The following NAV2 variants were observed in gnomAD, a reference collection of about 807,000 sequenced individuals.
The protein encoded by NAV2 is neuron navigator 2.
In NAV2, 54 loss-of-function variants were observed where a neutral mutation model predicts 223.2. The observed-to-expected ratio is 0.24, with a 90% CI of 0.19 to 0.30. NAV2 has a LOEUF of 0.30. Among genes scored for constraint, NAV2 ranks in the 10% least tolerant of loss-of-function variants. The probability of loss-of-function intolerance (pLI) is 1.00; values close to 1 mark genes in which losing one functional copy is unlikely to be tolerated. For missense variants in NAV2, 2,806 were observed against 3,147.5 expected, an observed-to-expected ratio of 0.89 and a Z score of 2.60; for synonymous variants, 1,279 against 1,239.3, an observed-to-expected ratio of 1.03 and a Z score of -0.67.
intron 1 of NAV2, among the ~76,000 whole-genome samples, chr11:19,585,770 C>T (rs774367694): frequency 2.6e-4 from 39 of 152,160 alleles, no homozygotes; most frequent in Non-Finnish European, 4.7e-4. Flanking sequence ...GATGGGCTTC[C>T]CTTTGTGGGT....
chr11:19,655,991 C>T (rs929217024), intron 1 of NAV2, among the ~76,000 whole-genome samples: 4 of 152,160 alleles, frequency 2.6e-5, no homozygotes, highest in Non-Finnish European at 4.4e-5. Flanking sequence ...GATTGTCCAG[C>T]TGATCCCTTG....
chr11:19,455,222 G>A (rs1851921192), intron 1 of NAV2, among the ~76,000 whole-genome samples: 1 of 151,202 alleles, frequency 6.6e-6, no homozygotes, highest in Non-Finnish European at 1.5e-5. Context: ...CACCAAAAGA[G>A]TTTCAGCACT....
rs546212249 is a variant in NAV2 at position 19,721,124 on chromosome 11, A to G, written c.267+7162A>G. Among the ~76,000 whole-genome samples, 140 of 152,330 alleles carry G rather than the reference A, an allele frequency of 9.2e-4. 1 individual carries two copies. Among genetic ancestry groups the G allele is most frequent in the Non-Finnish European group, 2.1e-4 (14 of 68,040 alleles). ...CTTATCTGTTTGACCTTTGAAGTCAACCTTCTTAAATAGCAAGTGTGAAAG... is the reference window on the plus strand; with the variant it reads ...CTTATCTGTTTGACCTTTGAAGTCAGCCTTCTTAAATAGCAAGTGTGAAAG... On this transcript the variant is annotated intron_variant, in intron 1 of 37. Transcript: ENST00000349880.
chr11:19,745,067 T>C (rs2053222571), intron 1 of NAV2, among the ~76,000 whole-genome samples: 1 of 152,210 alleles, frequency 6.6e-6, no homozygotes. Context: ...TCTAGCAGGG[T>C]TGTACTGTCA....
At chr11:20,032,504 C>T (rs1829032429) in intron 11 of NAV2, among the ~76,000 whole-genome samples, 1 of 152,234 alleles carries the variant, frequency 6.6e-6, no homozygotes, top group South Asian at 2.1e-4. Context: ...GCTCTCTTTC[C>T]TCCCTGCCAG....
intron 1 of NAV2, among the ~76,000 whole-genome samples, chr11:19,621,200 AG>A (rs1164044003): frequency 6.6e-6 from 1 of 152,168 alleles, no homozygotes; most frequent in Non-Finnish European, 1.5e-5. Context: ...GATGTTCATC[AG>A]GGATATTGGT....
At chr11:19,763,922 T>C (rs1004932963) in intron 1 of NAV2, among the ~76,000 whole-genome samples, 1 of 152,076 alleles carries the variant, frequency 6.6e-6, no homozygotes, top group African/African-American at 2.4e-5. Context: ...CATCTCTCTA[T>C]CCATGGAGAC....
rs35021346 is a variant in NAV2, at chr11:19,548,712, C to CAA, written c.75+197700_75+197701dup. 4.3e-3 allele frequency among the ~76,000 whole-genome samples: 550 copies of CAA among 127,030 alleles called. 11 individuals carry two copies. In the East Asian group the frequency reaches 0.057, roughly 13 times the overall value. 83.3% of individuals were successfully genotyped at this position (127,030 alleles called of 152,430 possible). ...TGAAACCCCGTCTCTACTAAAGATA[C>CAA]AAAAAAAAAAAAAAAATTAGCCAGG... On this transcript the variant is annotated intron_variant, in intron 1 of 37. Transcript: ENST00000360655.
intron 1 of NAV2, among the ~76,000 whole-genome samples, chr11:19,715,876 C>T (rs2050265205): frequency 6.6e-6 from 1 of 152,202 alleles, no homozygotes; most frequent in Non-Finnish European, 1.5e-5. Flanking sequence ...TTGGCCACTT[C>T]CAGTGGACTA....
At chr11:19,869,624 C>T (rs1008865614) in intron 4 of NAV2, among the ~76,000 whole-genome samples, 4 of 152,172 alleles carry the variant, frequency 2.6e-5, no homozygotes, top group African/African-American at 4.8e-5. Flanking sequence ...GAAACTTTCA[C>T]GCTCTCTCCT....
At chr11:19,701,164 C>A (rs1444996388) in intron 1 of NAV2, among the ~76,000 whole-genome samples, 1 of 152,090 alleles carries the variant, frequency 6.6e-6, no homozygotes, top group African/African-American at 2.4e-5. Flanking sequence ...TTTTTCACCC[C>A]ACTTAGAAAG....
At chr11:19,786,858 C>T (rs1476194414) in intron 1 of NAV2, among the ~76,000 whole-genome samples, 1 of 152,082 alleles carries the variant, frequency 6.6e-6, no homozygotes, top group Non-Finnish European at 1.5e-5. Flanking sequence ...GGTGTGGTAG[C>T]GTGCACCTGT....
chr11:19,720,096 T>A (rs2050637228), intron 1 of NAV2, among the ~76,000 whole-genome samples: 1 of 152,244 alleles, frequency 6.6e-6, no homozygotes, highest in South Asian at 2.1e-4. Flanking sequence ...GAGCTGGACC[T>A]TGTGATCAGT....
intron 1 of NAV2, among the ~76,000 whole-genome samples, chr11:19,654,757 C>T (rs1173807347): frequency 6.6e-6 from 1 of 152,204 alleles, no homozygotes; most frequent in Non-Finnish European, 1.5e-5. Flanking sequence ...GGATTAAAGA[C>T]TTAAATGTTA....
chr11:20,104,091 C>G (rs1015918830), intron 34 of NAV2: 3 of 254,222 alleles, frequency 1.2e-5, no homozygotes, highest in African/African-American at 6.8e-5. Context: ...CCAGTGGCGT[C>G]TCTCTGTCCC....
chr11:19,741,882 G>T (rs2052867226), intron 1 of NAV2, among the ~76,000 whole-genome samples: 1 of 152,040 alleles, frequency 6.6e-6, no homozygotes, highest in African/African-American at 2.4e-5. Flanking sequence ...AAGGGGGATT[G>T]CTGGGTCATA....
rs1456688032 is a variant in NAV2 at position 19,427,746 on chromosome 11, T to G, written c.75+76719T>G. Among the ~76,000 whole-genome samples, 3 of 152,362 alleles carry G rather than the reference T, an allele frequency of 2.0e-5. No homozygotes were observed. The East Asian group carries it at 5.8e-4, about 29-fold the overall frequency. On this transcript the variant is annotated intron_variant, in intron 1 of 37. Transcript: ENST00000360655. The stretch of plus-strand genomic sequence containing the variant: ...ATGGCATTTTGATGTGATTTTACTT[T>G]TTATTTTTTAAATTATGAGTGAAGC...
chr11:19,580,593 G>T (rs990753213), intron 1 of NAV2, among the ~76,000 whole-genome samples: 7 of 152,130 alleles, frequency 4.6e-5, no homozygotes, highest in African/African-American at 1.7e-4. Flanking sequence ...CATGAGTTTT[G>T]CAGGGAATGA....
intron 11 of NAV2, among the ~76,000 whole-genome samples, chr11:19,989,060 G>C (rs1252911006): frequency 6.6e-6 from 1 of 151,988 alleles, no homozygotes; most frequent in African/African-American, 2.4e-5. Context: ...AAAACGGGAA[G>C]AGACTGCTCC....
Sources: gnomAD v4.1 joint callset for allele counts (sites outside exome capture counted in the v4.1 genomes callset) on GRCh38, gnomAD v4.1.1 for gene constraint, MANE v1.5 for transcripts, NCBI Gene and HGNC (gene_info 2026-07-23, HGNC 2026-07-21) for gene names.